Variants in NPEPPS observed in about 807,000 individuals in gnomAD.
NPEPPS encodes the protein puromycin-sensitive aminopeptidase.
Under a neutral mutation model 115.5 loss-of-function variants are expected in NPEPPS, and 14 were observed. The observed-to-expected ratio is 0.12, with a 90% CI of 0.08 to 0.19. NPEPPS has a LOEUF of 0.19. Among genes scored for constraint, NPEPPS ranks in the 10% least tolerant of loss-of-function variants. NPEPPS has a pLI of 1.00. For synonymous variants in NPEPPS, 285 were observed against 390.6 expected, an observed-to-expected ratio of 0.73 and a Z score of 3.19; for missense variants, 523 against 1,110.8, an observed-to-expected ratio of 0.47 and a Z score of 7.52.
intron 2 of NPEPPS, among the ~76,000 whole-genome samples, chr17:47,562,727 T>TA (rs1234432018): frequency 6.6e-6 from 1 of 151,090 alleles, no homozygotes; most frequent in African/African-American, 2.4e-5. Flanking sequence ...TTTCATCTGC[T>TA]AAATCGTCCT....
intron 8 of NPEPPS, 114 bp downstream of exon 8, chr17:47,586,512 C>G: frequency 1.3e-6 from 1 of 771,440 alleles, no homozygotes; most frequent in Non-Finnish European, 2.1e-6. Flanking sequence ...GTAAATTTTT[C>G]TACCTTCCCC....
chr17:47,609,200 T>C (rs541997352), intron 17 of NPEPPS, among the ~76,000 whole-genome samples: 2 of 152,288 alleles, frequency 1.3e-5, no homozygotes, highest in South Asian at 4.1e-4. Context: ...CTTATTGCTA[T>C]AGTGACAGCT....
intron 1 of NPEPPS, among the ~76,000 whole-genome samples, chr17:47,541,820 A>G (rs1908790331): frequency 6.6e-6 from 1 of 152,198 alleles, no homozygotes; most frequent in African/African-American, 2.4e-5. Context: ...GTGAAGGAAT[A>G]TTGCTGCTTA....
At chr17:47,550,252 A>G (rs1909544854) in intron 2 of NPEPPS, among the ~76,000 whole-genome samples, 1 of 151,476 alleles carries the variant, frequency 6.6e-6, no homozygotes, top group Admixed American at 6.6e-5. Context: ...TTCTTTGTGT[A>G]AGTTTTTATT....
In NPEPPS at chr17:47,556,717, C is replaced by T. The variant is rs572384642; in HGVS notation, c.340+10724C>T. Among the ~76,000 whole-genome samples, 397 of 152,254 alleles carry T rather than the reference C, an allele frequency of 2.6e-3. 2 individuals are homozygous for T. The highest frequency in any genetic ancestry group is 8.7e-3 in the African/African-American group (363 of 41,552). The stretch of plus-strand genomic sequence containing the variant: ...GGCTGGCCGGGTGGGGGCTGCCCCC[C>T]GCCTCCCTCCGGGACGGGGCGGCTC... On this transcript the variant is annotated intron_variant, in intron 2 of 22. Transcript: ENST00000322157.
intron 1 of NPEPPS, among the ~76,000 whole-genome samples, chr17:47,523,941 A>G (rs985781834): frequency 1.1e-4 from 17 of 152,024 alleles, no homozygotes; most frequent in African/African-American, 4.1e-4. Flanking sequence ...TGAAAACAAT[A>G]GTGGCTCTGG....
At chr17:47,524,438 T>G (rs572604868) in intron 1 of NPEPPS, among the ~76,000 whole-genome samples, 1 of 152,130 alleles carries the variant, frequency 6.6e-6, no homozygotes, top group Admixed American at 6.5e-5. Flanking sequence ...ATCCTCCCAC[T>G]TTAGCCTCCC....
chr17:47,534,871 C>T (rs924427888), intron 1 of NPEPPS, among the ~76,000 whole-genome samples: 18 of 151,964 alleles, frequency 1.2e-4, no homozygotes, highest in East Asian at 3.9e-4. Context: ...GCCCGGCCAA[C>T]TTAGTGGATT....
chr17:47,544,782 C>T (rs1431045718), intron 1 of NPEPPS, among the ~76,000 whole-genome samples: 1 of 136,120 alleles, frequency 7.3e-6, no homozygotes, highest in African/African-American at 2.8e-5. Flanking sequence ...GGTGCGATCT[C>T]GGCCCATTGC....
chr17:47,534,062 G>C (rs1908013806), intron 1 of NPEPPS, among the ~76,000 whole-genome samples: 1 of 152,040 alleles, frequency 6.6e-6, no homozygotes. Context: ...GCATTAGGTG[G>C]TATCTTGTGG....
At chr17:47,541,133 C>T (rs1908729920) in intron 1 of NPEPPS, among the ~76,000 whole-genome samples, 3 of 152,032 alleles carry the variant, frequency 2.0e-5, no homozygotes, top group Admixed American at 2.0e-4. Flanking sequence ...TAGTAATGTG[C>T]TGTGTGATTT....
intron 2 of NPEPPS, among the ~76,000 whole-genome samples, chr17:47,563,973 G>T (rs967651429): frequency 3.6e-4 from 54 of 151,488 alleles, no homozygotes; most frequent in Non-Finnish European, 6.0e-4. Flanking sequence ...TCACTCTGTT[G>T]CCCAGACTGA....
At chr17:47,527,402 T>G (rs1164925555), upstream of NPEPPS, among the ~76,000 whole-genome samples, 1 of 151,734 alleles carries the variant, frequency 6.6e-6, no homozygotes, top group Non-Finnish European at 1.5e-5. Context: ...GAGAATTGCT[T>G]GAACCCAGGA....
chr17:47,616,552 C>T (rs571011413), intron 19 of NPEPPS, among the ~76,000 whole-genome samples: 26 of 151,770 alleles, frequency 1.7e-4, no homozygotes, highest in Admixed American at 3.9e-4. Flanking sequence ...GGTGTGGTGG[C>T]GGGCGCCTGT....
intron 12 of NPEPPS, among the ~76,000 whole-genome samples, chr17:47,594,591 T>G (rs868212126): frequency 0.027 from 3,797 of 138,198 alleles, 75 homozygotes; most frequent in Middle Eastern, 0.096. Context: ...TGTATTTTAT[T>G]TTATGTTATG....
At chr17:47,552,085 G>C (rs545623140) in intron 2 of NPEPPS, among the ~76,000 whole-genome samples, 2 of 136,642 alleles carry the variant, frequency 1.5e-5, no homozygotes, top group East Asian at 4.8e-4. Context: ...TCCCACCACA[G>C]CCTCCCGGAG....
At position 47,615,416 on chromosome 17, in the gene NPEPPS, G is replaced by A. The variant is rs192897283; in HGVS notation, c.2295+1691G>A. 5.5e-3 allele frequency among the ~76,000 whole-genome samples: 842 copies of A among 152,258 alleles called. 15 individuals are homozygous for A. Among genetic ancestry groups the A allele is most frequent in the Non-Finnish European group, 3.5e-3 (236 of 68,018 alleles). ...TAAAAGTTATATTTGGGAGAGCTGGGCACGGTGGCATGCACCTATATTTCC... is the reference window on the plus strand; with the variant it reads ...TAAAAGTTATATTTGGGAGAGCTGGACACGGTGGCATGCACCTATATTTCC... On this transcript the variant is annotated intron_variant, in intron 19 of 22. Coordinates refer to ENST00000322157, the MANE Select transcript of NPEPPS (RefSeq NM_006310.4).
intron 19 of NPEPPS, among the ~76,000 whole-genome samples, chr17:47,615,328 G>A (rs565988402): frequency 1.3e-4 from 20 of 151,994 alleles, no homozygotes; most frequent in Non-Finnish European, 2.4e-4. Context: ...CACCCGACTC[G>A]GCCTCCCAAA....
intron 1 of NPEPPS, 98 bp downstream of exon 1, chr17:47,531,653 C>G: frequency 7.2e-7 from 1 of 1,394,646 alleles, no homozygotes. Flanking sequence ...GCGGGCGGGC[C>G]TCGGGTCGGG....
Sources: allele counts gnomAD v4.1 joint callset (sites outside exome capture counted in the v4.1 genomes callset), GRCh38; gene constraint gnomAD v4.1.1; transcripts MANE v1.5; gene names NCBI Gene and HGNC (gene_info 2026-07-23, HGNC 2026-07-21).